The following CEP290 variants were observed in gnomAD, a reference collection of about 807,000 sequenced individuals.
CEP290 encodes the protein centrosomal protein of 290 kDa.
In CEP290, 317 loss-of-function variants were observed where a neutral mutation model predicts 344.9. The observed-to-expected ratio is 0.92, with a 90% CI of 0.84 to 1.01. The LOEUF (loss-of-function observed/expected upper bound fraction) is 1.01. Ranked by LOEUF, CEP290 falls within the 50% of genes least tolerant of loss-of-function variation. The pLI is 0.00. For synonymous variants in CEP290, 932 were observed against 895.8 expected, an observed-to-expected ratio of 1.04 and a Z score of -0.72; for missense variants, 2,754 against 2,761.4, an observed-to-expected ratio of 1.00 and a Z score of 0.06.
intron 52 of CEP290, among the ~76,000 whole-genome samples, chr12:88,053,389 TTG>T (rs1274113799): frequency 6.6e-6 from 1 of 152,126 alleles, no homozygotes; most frequent in Non-Finnish European, 1.5e-5. Flanking sequence ...TAGCACTGTA[TTG>T]TGATTAAATC....
In CEP290 at chr12:88,079,122, T is replaced by C. The variant is rs771221037; in HGVS notation, c.5334A>G (p.Gln1778=). The stretch of plus-strand genomic sequence containing the variant: ...GCTCTCTAGTATGTCGATCAACGAT[T>C]TGTTGAACATTGAGATGGGCCTCTT... ...SQKEAHLNVQ[Q]IVDRHTRELK... is the part of the protein sequence containing the mutation. Residue 1778 remains glutamine, a synonymous_variant, in exon 39 of 54, where the codon CAA becomes CAG. Transcript: ENST00000552810. The C allele has an allele frequency of 1.9e-6, 3 of 1,594,652 alleles. No individual in the cohort carries two copies. In the South Asian group the frequency reaches 3.5e-5, roughly 18 times the overall value.
intron 39 of CEP290, 47 bp downstream of exon 39, chr12:88,079,045 T>C: frequency 2.0e-6 from 3 of 1,475,302 alleles, no homozygotes; most frequent in Non-Finnish European, 2.7e-6. Context: ...TCTCTTCCAA[T>C]AGGAATTATC....
intron 12 of CEP290, among the ~76,000 whole-genome samples, chr12:88,126,079 C>A (rs1372012939): frequency 6.6e-6 from 1 of 152,004 alleles, no homozygotes; most frequent in Non-Finnish European, 1.5e-5. Flanking sequence ...GTACTATCCA[C>A]ATAAACATAG....
chr12:88,066,399 A>G (rs1382589772), intron 44 of CEP290, among the ~76,000 whole-genome samples: 1 of 151,772 alleles, frequency 6.6e-6, no homozygotes, highest in East Asian at 1.9e-4. Context: ...TCCTGGGCTC[A>G]AGTGATCTGC....
chr12:88,084,544 A>G, intron 35 of CEP290, 42 bp downstream of exon 35: 1 of 1,530,328 alleles, frequency 6.5e-7, no homozygotes. Context: ...TTGCTTAAAA[A>G]AACTAATGGA....
intron 46 of CEP290, among the ~76,000 whole-genome samples, 189 bp from the exon 47 acceptor site, chr12:88,061,183 C>A (rs1283464728): frequency 1.3e-5 from 2 of 152,008 alleles, no homozygotes; most frequent in African/African-American, 2.4e-5. Context: ...TACAAGAAAA[C>A]CAAGACTTAG....
intron 3 of CEP290, 92 bp downstream of exon 3, chr12:88,140,863 CA>C (rs2040610509): frequency 1.4e-6 from 1 of 724,808 alleles, no homozygotes; most frequent in Non-Finnish European, 2.2e-6. Context: ...TAGATATTAC[CA>C]GGTATTTTCA....
At chr12:88,130,060 C>A (rs554135837) in intron 9 of CEP290, among the ~76,000 whole-genome samples, 184 bp from the exon 10 acceptor site, 86 of 151,980 alleles carry the variant, frequency 5.7e-4, no homozygotes, top group African/African-American at 1.9e-3. Context: ...ATAAGGACCT[C>A]AATTGTTCTT....
At chr12:88,062,096 T>C (rs1026080939) in intron 46 of CEP290, among the ~76,000 whole-genome samples, 1 of 152,162 alleles carries the variant, frequency 6.6e-6, no homozygotes, top group Non-Finnish European at 1.5e-5. Flanking sequence ...AATATTTTTC[T>C]AATAACACAT....
In CEP290 at chr12:88,125,236, A is replaced by C; in HGVS notation, c.1189+10T>G. 4.1e-6 allele frequency: 3 copies of C among 729,818 alleles called. No homozygotes were observed. The highest frequency in any genetic ancestry group is 6.1e-6 in the Non-Finnish European group (3 of 491,122). The allele number at this position is 729,818 out of a possible 1,614,324, so 45.2% of individuals were successfully genotyped here. ...TTGTATATAAAATAACTATATATTT[A>C]TAAAAATACCTTTGTTTCTTTGGAG... On this transcript the variant is annotated intron_variant, in intron 13 of 53. Transcript: ENST00000552810.
chr12:88,069,931 A>T (rs2035239165), intron 43 of CEP290, among the ~76,000 whole-genome samples: 1 of 152,236 alleles, frequency 6.6e-6, no homozygotes, highest in Non-Finnish European at 1.5e-5. Flanking sequence ...ACGTAAAACC[A>T]ACTGAAGTTT....
At chr12:88,118,951 C>T (rs2039240845) in intron 15 of CEP290, among the ~76,000 whole-genome samples, 1 of 152,118 alleles carries the variant, frequency 6.6e-6, no homozygotes, top group African/African-American at 2.4e-5. Context: ...CTAACAAAAA[C>T]CTAAATGAAA....
intron 15 of CEP290, among the ~76,000 whole-genome samples, chr12:88,119,665 G>T (rs2039283899): frequency 6.6e-6 from 1 of 152,102 alleles, no homozygotes. Context: ...CGGGCATAGT[G>T]GTGCACACCT....
intron 6 of CEP290, among the ~76,000 whole-genome samples, chr12:88,132,267 GT>G (rs2040118571): frequency 6.6e-6 from 1 of 151,480 alleles, no homozygotes; most frequent in Non-Finnish European, 1.5e-5. Flanking sequence ...CATTTTTCTG[GT>G]TCTCCTCTTT....
At chr12:88,116,031 T>G (rs1443749300) in intron 18 of CEP290, 1 of 985,320 alleles carries the variant, frequency 1.0e-6, no homozygotes, top group East Asian at 1.1e-4. Flanking sequence ...AGCTCTATTT[T>G]CATGAATTTG....
Position 88,077,760 on chromosome 12 carries a change from C to T in CEP290, c.5523G>A (p.Glu1841=), listed in dbSNP as rs753424189. The T allele has an allele frequency of 6.6e-5, 104 of 1,578,414 alleles. No individual in the cohort carries two copies. Among genetic ancestry groups the T allele is most frequent in the Non-Finnish European group, 7.5e-5 (87 of 1,164,314 alleles). The change falls in exon 40 of 54, where the codon GAG becomes GAA. Residue 1841 remains glutamate, a synonymous_variant. Coordinates refer to ENST00000552810, the MANE Select transcript of CEP290 (RefSeq NM_025114.4). ...KAYNKILREK[E]EIDQENDELK... ...GTTCATCATTCTCTTGATCAATTTC[C>T]TCTTTCTCTCTAAGTATTTTATTAT...
intron 37 of CEP290, among the ~76,000 whole-genome samples, chr12:88,081,841 A>G (rs1390636498): frequency 6.6e-6 from 1 of 152,232 alleles, no homozygotes; most frequent in East Asian, 1.9e-4. Flanking sequence ...AAGTAATTTT[A>G]TACTCCAAAA....
At chr12:88,102,464 G>C (rs968615263) in intron 26 of CEP290, among the ~76,000 whole-genome samples, 3 of 152,028 alleles carry the variant, frequency 2.0e-5, no homozygotes, top group Non-Finnish European at 4.4e-5. Flanking sequence ...GAAAGGGATG[G>C]GCACTTAATG....
chr12:88,124,757 A>G (rs2137991546), intron 13 of CEP290, among the ~76,000 whole-genome samples: 1 of 152,238 alleles, frequency 6.6e-6, no homozygotes, highest in East Asian at 1.9e-4. Flanking sequence ...CTATGGAAAT[A>G]TAACAACACA....
Sources: allele counts gnomAD v4.1 joint callset (sites outside exome capture counted in the v4.1 genomes callset), GRCh38; gene constraint gnomAD v4.1.1; transcripts MANE v1.5; gene names NCBI Gene and HGNC (gene_info 2026-07-23, HGNC 2026-07-21).